MEIKIN: variants seen among roughly 807,000 people sequenced by gnomAD.
MEIKIN encodes the protein meiotic kinetochore factor.
intron 8 of MEIKIN, among the ~76,000 whole-genome samples, chr5:131,884,298 G>C (rs537459997): frequency 6.6e-6 from 1 of 152,246 alleles, no homozygotes; most frequent in South Asian, 2.1e-4. Flanking sequence ...CCTTTTGCTT[G>C]AGGAGAAGAG....
In MEIKIN at chr5:131,826,086, CTTTTTTTT is replaced by C. The variant is rs35951729; in HGVS notation, c.976-7231_976-7224del. Among the ~76,000 whole-genome samples, 9 of 124,992 alleles carry C rather than the reference CTTTTTTTT, an allele frequency of 7.2e-5. 1 individual carries two copies. Among genetic ancestry groups the C allele is most frequent in the Admixed American group, 4.9e-4 (6 of 12,182 alleles). 82.0% of individuals were successfully genotyped at this position (124,992 alleles called of 152,430 possible). A position where few individuals can be genotyped will look rare whatever the true frequency, so the allele number is the denominator to read the frequency against. The stretch of plus-strand genomic sequence containing the variant: ...CTAAATGGTGAATTTTTCTTGTTTT[CTTTTTTTT>C]TTTTTTTTTTTTACTAGAGATGGGA... On this transcript the variant is annotated intron_variant, in intron 11 of 12. Transcript: ENST00000442687.
intron 3 of MEIKIN, 152 bp downstream of exon 3, chr5:131,944,513 G>A (rs1457759274): frequency 7.6e-6 from 3 of 393,926 alleles, no homozygotes; most frequent in African/African-American, 2.1e-5. Context: ...TCAAGGCCCT[G>A]TCTAAAGACA....
chr5:131,856,158 C>G lies in MEIKIN; in HGVS notation c.775-1324G>C, dbSNP rs140086638. ...TACAATAAAATGAACACATCAGCCT[C>G]TAACTTACTAGCTATATTTAGTTTT... On this transcript the variant is annotated intron_variant, in intron 9 of 12. Coordinates refer to ENST00000442687, the MANE Select transcript of MEIKIN (RefSeq NM_001303622.2). Among the ~76,000 whole-genome samples, 732 of 152,316 alleles carry G rather than the reference C, an allele frequency of 4.8e-3. 8 individuals carry two copies. Among genetic ancestry groups the G allele is most frequent in the African/African-American group, 0.017 (696 of 41,562 alleles).
intron 8 of MEIKIN, among the ~76,000 whole-genome samples, chr5:131,893,798 G>A (rs1448621400): frequency 1.3e-5 from 2 of 152,230 alleles, no homozygotes; most frequent in African/African-American, 4.8e-5. Context: ...GATAAGTAGA[G>A]TGCAAAAATT....
chr5:131,941,220 A>ACAATCTTGGCT (rs1389264136), intron 4 of MEIKIN, among the ~76,000 whole-genome samples: 3 of 123,558 alleles, frequency 2.4e-5, no homozygotes, highest in African/African-American at 1.0e-4. Flanking sequence ...GTGTAATGAC[A>ACAATCTTGGCT]CAATCTTGGC....
At chr5:131,870,194 A>G (rs2149623911) in intron 9 of MEIKIN, among the ~76,000 whole-genome samples, 2 of 152,326 alleles carry the variant, frequency 1.3e-5, no homozygotes, top group South Asian at 4.1e-4. Context: ...ACATACAGCT[A>G]TTAAGCACTC....
At chr5:131,833,688 G>A (rs561088132) in intron 11 of MEIKIN, among the ~76,000 whole-genome samples, 21 of 152,194 alleles carry the variant, frequency 1.4e-4, no homozygotes, top group Non-Finnish European at 2.6e-4. Flanking sequence ...TCACTATCAC[G>A]AGTATAGCAT....
chr5:131,870,391 C>T (rs1482210356), intron 9 of MEIKIN, among the ~76,000 whole-genome samples: 2 of 152,056 alleles, frequency 1.3e-5, no homozygotes, highest in African/African-American at 4.8e-5. Context: ...TCCTCTTCTC[C>T]ACCACTCTTC....
At chr5:131,875,697 A>T (rs1750599759) in intron 9 of MEIKIN, among the ~76,000 whole-genome samples, 1 of 152,196 alleles carries the variant, frequency 6.6e-6, no homozygotes, top group Non-Finnish European at 1.5e-5. Context: ...GTCAATCTTA[A>T]GCCAAAAGAA....
At chr5:131,815,567 G>C (rs1040933998) in intron 12 of MEIKIN, among the ~76,000 whole-genome samples, 1 of 152,184 alleles carries the variant, frequency 6.6e-6, no homozygotes, top group Non-Finnish European at 1.5e-5. Context: ...TGGAAGTTAA[G>C]ACTGCCCCCA....
chr5:131,877,792 G>C (rs574161931), intron 9 of MEIKIN, among the ~76,000 whole-genome samples: 255 of 152,306 alleles, frequency 1.7e-3, no homozygotes, highest in African/African-American at 5.6e-3. Flanking sequence ...CCCATCCACA[G>C]TTTTGTCTAC....
chr5:131,924,257 C>T (rs1468106282), intron 5 of MEIKIN, among the ~76,000 whole-genome samples: 3 of 152,114 alleles, frequency 2.0e-5, no homozygotes, highest in Non-Finnish European at 2.9e-5. Context: ...TTCCACCTCT[C>T]GGCTACTGTG....
At chr5:131,900,811 C>G (rs1298166201) in intron 8 of MEIKIN, among the ~76,000 whole-genome samples, 1 of 152,146 alleles carries the variant, frequency 6.6e-6, no homozygotes. Context: ...CCTGTGCTGG[C>G]AGACTGCTCC....
At chr5:131,838,051 A>G (rs2149609760) in intron 11 of MEIKIN, among the ~76,000 whole-genome samples, 1 of 152,212 alleles carries the variant, frequency 6.6e-6, no homozygotes, top group African/African-American at 2.4e-5. Flanking sequence ...GTTTATTGAT[A>G]ATTTTTAACA....
At chr5:131,817,255 G>A (rs1773117552) in intron 12 of MEIKIN, among the ~76,000 whole-genome samples, 2 of 152,048 alleles carry the variant, frequency 1.3e-5, no homozygotes, top group Admixed American at 6.6e-5. Context: ...TTCTCCAGCT[G>A]GCAGATGGCA....
At chr5:131,908,686 G>C (rs1018592901) in intron 8 of MEIKIN, among the ~76,000 whole-genome samples, 7 of 152,036 alleles carry the variant, frequency 4.6e-5, no homozygotes, top group African/African-American at 1.7e-4. Context: ...AAAAACTAAA[G>C]ATTCCACCAA....
At position 131,906,437 on chromosome 5, in the gene MEIKIN, C is replaced by T. The variant is rs545634556; in HGVS notation, c.703+5378G>A. 1.7e-3 allele frequency among the ~76,000 whole-genome samples: 253 copies of T among 152,260 alleles called. 1 individual carries two copies. Among genetic ancestry groups the T allele is most frequent in the African/African-American group, 6.0e-3 (249 of 41,540 alleles). On this transcript the variant is annotated intron_variant, in intron 8 of 12. Coordinates refer to ENST00000442687, the MANE Select transcript of MEIKIN (RefSeq NM_001303622.2). Reference sequence around the variant, plus strand: ...TAGTGGGAGTGTAAATTATTTCAACCATTGTGGAAAGCAGTGTGGTAATTC... The same window carrying T: ...TAGTGGGAGTGTAAATTATTTCAACTATTGTGGAAAGCAGTGTGGTAATTC...
At position 131,922,312 on chromosome 5, in the gene MEIKIN, G is replaced by T. The variant is rs77297883; in HGVS notation, c.479-371C>A. Reference sequence around the variant, plus strand: ...TGTATTTATGAGTTCCACATTTGTGGATTCAACCAACCATGGACTGAAAAT... The same window carrying T: ...TGTATTTATGAGTTCCACATTTGTGTATTCAACCAACCATGGACTGAAAAT... On this transcript the variant is annotated intron_variant, in intron 5 of 12. Transcript: ENST00000442687. Among the ~76,000 whole-genome samples, 827 of 151,898 alleles carry T rather than the reference G, an allele frequency of 5.4e-3. 9 individuals are homozygous for T. Among genetic ancestry groups the T allele is most frequent in the African/African-American group, 0.017 (715 of 41,402 alleles).
At chr5:131,833,583 C>T (rs565972541) in intron 11 of MEIKIN, among the ~76,000 whole-genome samples, 6 of 152,012 alleles carry the variant, frequency 3.9e-5, no homozygotes, top group East Asian at 1.9e-4. Context: ...TAACAGGAGG[C>T]GAAAAGCACT....
Sources: allele counts gnomAD v4.1 joint callset (sites outside exome capture counted in the v4.1 genomes callset), GRCh38; gene constraint gnomAD v4.1.1; transcripts MANE v1.5; gene names NCBI Gene and HGNC (gene_info 2026-07-23, HGNC 2026-07-21).